Variants in ADK observed in about 807,000 individuals in gnomAD.
The protein encoded by ADK is N6,N6-dimethyladenosine kinase.
A neutral mutation model predicts 44.7 loss-of-function variants in ADK; 24 were observed. That is an observed-to-expected ratio of 0.54 (90% CI 0.39 to 0.76). The LOEUF is 0.76. Among genes scored for constraint, ADK ranks in the 30% least tolerant of loss-of-function variants. The probability of loss-of-function intolerance (pLI) is 0.00; values close to 1 mark genes in which losing one functional copy is unlikely to be tolerated. For missense variants in ADK, 321 were observed against 425.1 expected (o/e 0.76, Z 2.15); for synonymous variants, 128 against 142.6 (o/e 0.90, Z 0.73).
chr10:74,444,257 T>G (rs1272721006), intron 6 of ADK, among the ~76,000 whole-genome samples: 3 of 152,150 alleles, frequency 2.0e-5, no homozygotes, highest in Non-Finnish European at 4.4e-5. Flanking sequence ...AAGGCTTAAT[T>G]AGGTAGGAAA....
chr10:74,558,690 A>C (rs1012793296), intron 7 of ADK, among the ~76,000 whole-genome samples: 7 of 152,192 alleles, frequency 4.6e-5, no homozygotes, highest in Admixed American at 6.5e-5. Context: ...GGCAGTGTGA[A>C]AACAGGCTAA....
intron 2 of ADK, among the ~76,000 whole-genome samples, chr10:74,216,317 A>C (rs575026007): frequency 4.0e-4 from 61 of 152,340 alleles, no homozygotes; most frequent in Non-Finnish European, 7.5e-4. Flanking sequence ...GTAAAATAAC[A>C]AATGTATTAA....
At chr10:74,595,702 A>C (rs1236146112) in intron 8 of ADK, among the ~76,000 whole-genome samples, 1 of 78,236 alleles carries the variant, frequency 1.3e-5, no homozygotes, top group South Asian at 5.9e-4. Context: ...GATTAAAAAA[A>C]TAGGCTATAT....
chr10:74,426,525 A>C (rs1458872920), intron 6 of ADK, among the ~76,000 whole-genome samples: 2 of 152,210 alleles, frequency 1.3e-5, no homozygotes, highest in Non-Finnish European at 2.9e-5. Context: ...GTCATACAAG[A>C]AAAAGGGAGA....
chr10:74,318,789 G>A (rs1053185595), intron 4 of ADK, among the ~76,000 whole-genome samples: 11 of 152,300 alleles, frequency 7.2e-5, no homozygotes, highest in Admixed American at 5.9e-4. Flanking sequence ...CCTGCATTTA[G>A]CTAAAAGATA....
intron 10 of ADK, among the ~76,000 whole-genome samples, chr10:74,681,603 T>G (rs980346741): frequency 6.6e-6 from 1 of 152,094 alleles, no homozygotes; most frequent in Non-Finnish European, 1.5e-5. Flanking sequence ...CTCAGCACTT[T>G]AAGAGGCCGA....
At chr10:74,409,768 A>G (rs2132942195) in intron 6 of ADK, among the ~76,000 whole-genome samples, 1 of 152,350 alleles carries the variant, frequency 6.6e-6, no homozygotes, top group South Asian at 2.1e-4. Context: ...GTATGAAGAA[A>G]TGTACAGCCT....
chr10:74,664,808 C>T (rs182308047), intron 9 of ADK, among the ~76,000 whole-genome samples: 2 of 152,216 alleles, frequency 1.3e-5, no homozygotes, highest in African/African-American at 2.4e-5. Flanking sequence ...CACCACTGCA[C>T]TCCAGCCTGG....
intron 4 of ADK, among the ~76,000 whole-genome samples, chr10:74,332,483 A>C (rs182055846): frequency 6.6e-6 from 1 of 152,212 alleles, no homozygotes; most frequent in Non-Finnish European, 1.5e-5. Context: ...TTTGGAGACT[A>C]GTATAATTAT....
chr10:74,525,223 T>G (rs954426360), intron 6 of ADK, 33 bp from the exon 7 acceptor site: 4 of 1,596,784 alleles, frequency 2.5e-6, no homozygotes, highest in East Asian at 2.2e-5. Flanking sequence ...GGAGATGGTA[T>G]TTCTAATTTT....
chr10:74,196,163 T>C (rs1305824970), intron 1 of ADK, among the ~76,000 whole-genome samples: 1 of 151,984 alleles, frequency 6.6e-6, no homozygotes, highest in Non-Finnish European at 1.5e-5. Context: ...CTGCAACCAG[T>C]TTCATGTGGG....
chr10:74,450,273 C>G (rs1349639665), intron 6 of ADK, among the ~76,000 whole-genome samples: 1 of 152,200 alleles, frequency 6.6e-6, no homozygotes, highest in Non-Finnish European at 1.5e-5. Context: ...GATCGTATCT[C>G]TGCACTTCAG....
chr10:74,188,701 T>C (rs1842853210), intron 1 of ADK, among the ~76,000 whole-genome samples: 1 of 152,148 alleles, frequency 6.6e-6, no homozygotes, highest in African/African-American at 2.4e-5. Flanking sequence ...TTCTACCTTT[T>C]TTGAGTTAGA....
intron 9 of ADK, among the ~76,000 whole-genome samples, chr10:74,666,830 C>CTTTTTT (rs11317030): frequency 9.2e-6 from 1 of 109,050 alleles, no homozygotes; most frequent in Non-Finnish European, 1.9e-5. Context: ...AGTTTTGTGA[C>CTTTTTT]TTTTTTTTTT....
At chr10:74,562,507 G>A (rs946595242) in intron 7 of ADK, among the ~76,000 whole-genome samples, 4 of 152,132 alleles carry the variant, frequency 2.6e-5, no homozygotes, top group Admixed American at 1.3e-4. Flanking sequence ...TTCAAGGATA[G>A]TCTTACTCTC....
intron 1 of ADK, among the ~76,000 whole-genome samples, chr10:74,167,374 A>C (rs2132048076): frequency 6.6e-6 from 1 of 152,336 alleles, no homozygotes; most frequent in Non-Finnish European, 1.5e-5. Flanking sequence ...TAACTACTTT[A>C]TTAGATGTCA....
chr10:74,267,962 G>T (rs946931921), intron 3 of ADK, among the ~76,000 whole-genome samples: 6 of 152,008 alleles, frequency 3.9e-5, no homozygotes. Flanking sequence ...AGAAAATTTG[G>T]ATCTTATTAG....
chr10:74,324,732 A>T (rs1840949402), intron 4 of ADK, among the ~76,000 whole-genome samples: 1 of 152,190 alleles, frequency 6.6e-6, no homozygotes, highest in Non-Finnish European at 1.5e-5. Flanking sequence ...ACGTGCAGAT[A>T]TATCTTAATC....
chr10:74,584,852 T>C lies in ADK; in HGVS notation c.727-4430T>C, dbSNP rs150622535. Among the ~76,000 whole-genome samples, 397 of 152,326 alleles carry C rather than the reference T, an allele frequency of 2.6e-3. 2 individuals carry two copies. Among genetic ancestry groups the C allele is most frequent in the African/African-American group, 9.1e-3 (380 of 41,572 alleles). The stretch of plus-strand genomic sequence containing the variant: ...TTGGCTTGTCAGTATACAGAAATCA[T>C]TGTGTTTCTATATAACTAGTAACAA... On this transcript the variant is annotated intron_variant, in intron 7 of 10. Coordinates refer to ENST00000539909, the MANE Select transcript of ADK (RefSeq NM_006721.4).
Sources: gnomAD v4.1 joint callset for allele counts (sites outside exome capture counted in the v4.1 genomes callset) on GRCh38, gnomAD v4.1.1 for gene constraint, MANE v1.5 for transcripts, NCBI Gene and HGNC (gene_info 2026-07-23, HGNC 2026-07-21) for gene names.